The following SLC30A4 variants were observed in gnomAD, a reference collection of about 807,000 sequenced individuals.
SLC30A4 encodes the protein probable proton-coupled zinc antiporter SLC30A4.
In SLC30A4, 20 loss-of-function variants were observed where a neutral mutation model predicts 41.7. The observed-to-expected ratio is 0.48, with a 90% confidence interval of 0.34 to 0.70. The LOEUF (loss-of-function observed/expected upper bound fraction) is 0.70, where lower values mean the gene tolerates loss of function less well. Ranked by LOEUF, SLC30A4 falls within the 30% of genes least tolerant of loss-of-function variation. SLC30A4 has a pLI of 0.01. For synonymous variants in SLC30A4, 181 were observed against 195.9 expected (o/e 0.92, Z 0.64); for missense variants, 441 against 529.3 (o/e 0.83, Z 1.64).
At chr15:45,517,479 G>A (rs1013017683) in intron 2 of SLC30A4, among the ~76,000 whole-genome samples, 16 of 148,496 alleles carry the variant, frequency 1.1e-4, no homozygotes, top group African/African-American at 3.0e-4. Context: ...TCGGCCTCCC[G>A]AGTAGCTGGG....
rs1258065395 is a variant in SLC30A4 at position 45,483,137 on chromosome 15, C to T, written c.*2026G>A. On this transcript the variant is annotated 3_prime_UTR_variant, in exon 8 of 8. Coordinates refer to ENST00000261867, the MANE Select transcript of SLC30A4 (RefSeq NM_013309.6). ...CATCTACTGGGTTTCATTAGAGGGACCATCAATCCTTTTATTGACACCATT... is the reference window on the plus strand; with the variant it reads ...CATCTACTGGGTTTCATTAGAGGGATCATCAATCCTTTTATTGACACCATT... 6.6e-6 allele frequency: 1 copy of T among 152,154 alleles called. No homozygotes were observed. The highest frequency in any genetic ancestry group is 1.5e-5 in the Non-Finnish European group (1 of 68,036). The allele number at this position is 152,154 out of a possible 1,614,324, so 9.4% of individuals were successfully genotyped here.
chr15:45,495,967 C>A (rs1891900601), intron 3 of SLC30A4, among the ~76,000 whole-genome samples: 1 of 152,116 alleles, frequency 6.6e-6, no homozygotes, highest in Non-Finnish European at 1.5e-5. Context: ...AGTCTGTTAT[C>A]TTTTATAACA....
intron 3 of SLC30A4, among the ~76,000 whole-genome samples, chr15:45,509,365 T>C (rs567054942): frequency 6.6e-6 from 1 of 151,968 alleles, no homozygotes; most frequent in East Asian, 1.9e-4. Flanking sequence ...GCAGTTCTTC[T>C]GCCTCAGCTT....
intron 3 of SLC30A4, among the ~76,000 whole-genome samples, chr15:45,504,145 C>T (rs1395118780): frequency 6.6e-6 from 1 of 152,048 alleles, no homozygotes; most frequent in Non-Finnish European, 1.5e-5. Context: ...AAGAAAATTC[C>T]AGATTCAGTT....
chr15:45,517,800 T>G (rs1382902099), intron 2 of SLC30A4, among the ~76,000 whole-genome samples: 1 of 151,690 alleles, frequency 6.6e-6, no homozygotes, highest in Non-Finnish European at 1.5e-5. Context: ...TACAAAATAT[T>G]AGCTAGGCGC....
chr15:45,515,173 C>T (rs1376987991), intron 2 of SLC30A4, among the ~76,000 whole-genome samples: 1 of 151,938 alleles, frequency 6.6e-6, no homozygotes, highest in Non-Finnish European at 1.5e-5. Context: ...AGGAGCATGA[C>T]ACCGTGCTTG....
At position 45,514,144 on chromosome 15, in the gene SLC30A4, G is replaced by A. The variant is rs151260240; in HGVS notation, c.392-2860C>T. Among the ~76,000 whole-genome samples, 656 of 152,100 alleles carry A rather than the reference G, an allele frequency of 4.3e-3. 4 individuals carry two copies. The highest frequency in any genetic ancestry group is 0.015 in the African/African-American group (624 of 41,482). On this transcript the variant is annotated intron_variant, in intron 2 of 7. Transcript: ENST00000261867. Reference sequence around the variant, plus strand: ...GCAGATCACCTGAGGTCGGGAGTTCGAGACCAGCCTGACCAATATGGAAAA... The same window carrying A: ...GCAGATCACCTGAGGTCGGGAGTTCAAGACCAGCCTGACCAATATGGAAAA...
intron 3 of SLC30A4, among the ~76,000 whole-genome samples, chr15:45,493,950 A>T (rs1891859640): frequency 1.3e-5 from 2 of 152,218 alleles, no homozygotes. Context: ...TAACATACAG[A>T]TAATCATACT....
chr15:45,493,905 C>T (rs1891858396), intron 3 of SLC30A4, among the ~76,000 whole-genome samples: 1 of 152,018 alleles, frequency 6.6e-6, no homozygotes, highest in African/African-American at 2.4e-5. Flanking sequence ...CAAAAACATA[C>T]CATTTCTATT....
At chr15:45,487,748 A>G in intron 5 of SLC30A4, 116 bp from the exon 6 acceptor site, 1 of 581,224 alleles carries the variant, frequency 1.7e-6, no homozygotes, top group Non-Finnish European at 3.1e-6. Context: ...ATTACAGAAT[A>G]CCTTTAAAAC....
intron 3 of SLC30A4, chr15:45,502,776 C>G (rs982665555): frequency 6.6e-6 from 1 of 152,240 alleles, no homozygotes; most frequent in African/African-American, 2.4e-5. Context: ...GGAAGGATAG[C>G]TTGAAGCTAG....
At chr15:45,486,269 C>T (rs548698737) in intron 7 of SLC30A4, among the ~76,000 whole-genome samples, 4 of 152,208 alleles carry the variant, frequency 2.6e-5, no homozygotes, top group South Asian at 2.1e-4. Flanking sequence ...GTGATCCACC[C>T]GCCTCAGCCT....
intron 4 of SLC30A4, among the ~76,000 whole-genome samples, chr15:45,490,438 A>C (rs1437695846): frequency 6.6e-6 from 1 of 152,170 alleles, no homozygotes; most frequent in African/African-American, 2.4e-5. Flanking sequence ...AAGGGAAAAA[A>C]ATTGATAGCT....
At chr15:45,487,933 T>G (rs1891736766) in intron 5 of SLC30A4, among the ~76,000 whole-genome samples, 1 of 146,090 alleles carries the variant, frequency 6.8e-6, no homozygotes, top group African/African-American at 2.5e-5. Flanking sequence ...TGTGTGTGTG[T>G]GTGTGTGTGT....
chr15:45,506,094 T>C (rs1273133989), intron 3 of SLC30A4, among the ~76,000 whole-genome samples: 1 of 151,846 alleles, frequency 6.6e-6, no homozygotes, highest in Non-Finnish European at 1.5e-5. Flanking sequence ...GTGGTCCCAG[T>C]CCCAGTCCCA....
intron 2 of SLC30A4, among the ~76,000 whole-genome samples, chr15:45,512,848 T>G (rs1480699597): frequency 6.6e-6 from 1 of 152,116 alleles, no homozygotes; most frequent in African/African-American, 2.4e-5. Context: ...CTAGTAAGGT[T>G]GGGGCACAGT....
At chr15:45,506,333 C>T (rs1033428246) in intron 3 of SLC30A4, among the ~76,000 whole-genome samples, 1 of 152,100 alleles carries the variant, frequency 6.6e-6, no homozygotes, top group Non-Finnish European at 1.5e-5. Context: ...GTCATCAAAA[C>T]AAAACAAAAT....
intron 2 of SLC30A4, among the ~76,000 whole-genome samples, chr15:45,521,271 T>C (rs563206292): frequency 6.6e-6 from 1 of 152,316 alleles, no homozygotes; most frequent in African/African-American, 2.4e-5. Context: ...AATTAAAAAA[T>C]GAACAAGAAA....
chr15:45,489,835 T>C (rs1891776812), intron 4 of SLC30A4, among the ~76,000 whole-genome samples: 1 of 152,158 alleles, frequency 6.6e-6, no homozygotes, highest in South Asian at 2.1e-4. Flanking sequence ...AGGGCAGGGA[T>C]TGGTAAACTG....
Sources: allele counts gnomAD v4.1 joint callset (sites outside exome capture counted in the v4.1 genomes callset), GRCh38; gene constraint gnomAD v4.1.1; transcripts MANE v1.5; gene names NCBI Gene and HGNC (gene_info 2026-07-23, HGNC 2026-07-21).